The following GMPS variants were observed in gnomAD, a reference collection of about 807,000 sequenced individuals.
GMPS encodes guanosine monophosphate synthase.
Under a neutral mutation model 77.9 loss-of-function variants are expected in GMPS, and 15 were observed. The ratio of observed to expected loss-of-function variants is 0.19; its 90% confidence interval spans 0.13 to 0.30. GMPS has a LOEUF of 0.30. GMPS is among the 10% of genes least tolerant of loss of function. GMPS has a pLI of 1.00. For missense variants in GMPS, 590 were observed against 838.8 expected, an observed-to-expected ratio of 0.70 and a Z score of 3.66; for synonymous variants, 224 against 275.9, an observed-to-expected ratio of 0.81 and a Z score of 1.86.
Position 155,939,629 on chromosome 3 carries a change from G to GT in GMPS, c.*1943dup. 1 of 195,052 alleles carries GT rather than the reference G, an allele frequency of 5.1e-6. No individual in the cohort carries two copies. The highest frequency in any genetic ancestry group is 1.1e-5 in the Non-Finnish European group (1 of 93,776). The allele number at this position is 195,052 out of a possible 1,614,324, so 12.1% of individuals were successfully genotyped here. On this transcript the variant is annotated 3_prime_UTR_variant, in exon 16 of 16. Transcript: ENST00000496455. ...TTAAATTAGTGTTTTCCTGATATTT[G>GT]TTTTTTGAACACCTTTTATATAATC...
At chr3:155,926,625 T>C (rs193272578) in intron 12 of GMPS, among the ~76,000 whole-genome samples, 24 of 152,308 alleles carry the variant, frequency 1.6e-4, no homozygotes, top group Admixed American at 1.4e-3. Flanking sequence ...TCAGAGATTA[T>C]TCTTCTAAAA....
At chr3:155,886,402 C>T (rs997976054) in intron 1 of GMPS, among the ~76,000 whole-genome samples, 4 of 150,746 alleles carry the variant, frequency 2.7e-5, no homozygotes, top group African/African-American at 7.3e-5. Flanking sequence ...AGTGAAACCC[C>T]GTCTCTACTA....
chr3:155,870,824 C>G lies in GMPS; in HGVS notation c.-47C>G. On this transcript the variant is annotated 5_prime_UTR_variant, in exon 1 of 16. Transcript: ENST00000496455. ...CGACCCTTCCGGCACCCTCCCGCCC[C>G]GTCTCGTACTGTCGCCGTCACCGCC... 7.6e-7 allele frequency: 1 copy of G among 1,311,598 alleles called. No individual in the cohort carries two copies. Among genetic ancestry groups the G allele is most frequent in the African/African-American group, 1.5e-5 (1 of 65,510 alleles). The allele number at this position is 1,311,598 out of a possible 1,614,324, so 81.2% of individuals were successfully genotyped here.
chr3:155,921,866 A>G (rs1297769085), intron 10 of GMPS, among the ~76,000 whole-genome samples: 1 of 152,230 alleles, frequency 6.6e-6, no homozygotes, highest in Non-Finnish European at 1.5e-5. Flanking sequence ...AATGGAAACT[A>G]TGATAGTATT....
chr3:155,874,138 A>G (rs1753972756), intron 1 of GMPS, among the ~76,000 whole-genome samples: 1 of 152,106 alleles, frequency 6.6e-6, no homozygotes, highest in Non-Finnish European at 1.5e-5. Context: ...ACTTTTTATT[A>G]TGGCAGGGGT....
chr3:155,923,577 T>C (rs1386150179), intron 11 of GMPS, among the ~76,000 whole-genome samples: 1 of 152,096 alleles, frequency 6.6e-6, no homozygotes, highest in Non-Finnish European at 1.5e-5. Flanking sequence ...ACTGAAACAG[T>C]AAAGGCAAGA....
chr3:155,926,540 A>C (rs1307779473), intron 12 of GMPS, among the ~76,000 whole-genome samples: 1 of 152,160 alleles, frequency 6.6e-6, no homozygotes. Context: ...ACTAACCTGC[A>C]CATTGTGCAC....
At chr3:155,932,825 T>A (rs1755660195) in intron 13 of GMPS, among the ~76,000 whole-genome samples, 1 of 152,200 alleles carries the variant, frequency 6.6e-6, no homozygotes, top group Non-Finnish European at 1.5e-5. Context: ...ATTCAAAGGC[T>A]TACTCAAATG....
At chr3:155,922,113 G>A (rs1186311260) in intron 10 of GMPS, 74 bp from the exon 11 acceptor site, 2 of 619,198 alleles carry the variant, frequency 3.2e-6, no homozygotes, top group East Asian at 3.3e-5. Context: ...TGAAACTAGT[G>A]GCATTTTTAT....
chr3:155,872,426 T>A (rs1753928339), intron 1 of GMPS, among the ~76,000 whole-genome samples: 1 of 152,232 alleles, frequency 6.6e-6, no homozygotes, highest in East Asian at 1.9e-4. Flanking sequence ...AAAGCATTTT[T>A]CTGCCTAGTT....
chr3:155,883,138 C>A (rs1232480567), intron 1 of GMPS, among the ~76,000 whole-genome samples: 1 of 152,066 alleles, frequency 6.6e-6, no homozygotes, highest in Non-Finnish European at 1.5e-5. Flanking sequence ...GTGGCACTAT[C>A]TCAGCTCACT....
chr3:155,896,153 G>A (rs1055565548), intron 2 of GMPS, among the ~76,000 whole-genome samples: 5 of 152,040 alleles, frequency 3.3e-5, no homozygotes, highest in Non-Finnish European at 7.4e-5. Flanking sequence ...GGGACTACAG[G>A]TGCCCACCAC....
chr3:155,924,175 G>A (rs561256866), intron 11 of GMPS, among the ~76,000 whole-genome samples: 5 of 152,298 alleles, frequency 3.3e-5, no homozygotes, highest in South Asian at 4.1e-4. Flanking sequence ...CACTGGGCCC[G>A]GCTGAGAACC....
intron 10 of GMPS, among the ~76,000 whole-genome samples, chr3:155,920,738 G>A (rs569796551): frequency 2.6e-5 from 4 of 152,106 alleles, no homozygotes; most frequent in South Asian, 2.1e-4. Flanking sequence ...GACTTCATTG[G>A]CAAAAATGGT....
At chr3:155,873,652 T>TTTTTTTTTTTTTTTTA (rs1560032835) in intron 1 of GMPS, among the ~76,000 whole-genome samples, 7 of 143,572 alleles carry the variant, frequency 4.9e-5, no homozygotes, top group Admixed American at 7.2e-5. Context: ...TTTTTTTTTT[T>TTTTTTTTTTTTTTTTA]GAGATGGAGT....
In GMPS at chr3:155,943,638, T is replaced by G. The variant is rs1755947353; in HGVS notation, c.*5946T>G. The G allele has an allele frequency of 5.6e-6, 1 of 177,354 alleles. No individual in the cohort carries two copies. Among genetic ancestry groups the G allele is most frequent in the South Asian group, 2.0e-4 (1 of 5,034 alleles). 11.0% of individuals were successfully genotyped at this position (177,354 alleles called of 1,614,324 possible). A position where few individuals can be genotyped will look rare whatever the true frequency, so the allele number is the denominator to read the frequency against. On this transcript the variant is annotated 3_prime_UTR_variant, in exon 16 of 16. Coordinates refer to ENST00000496455, the MANE Select transcript of GMPS (RefSeq NM_003875.3). ...TGTAAACTGCAATGTCTATTTTGTG[T>G]TGTAACAATGTTGCCATAAAATAGC...
intron 4 of GMPS, 110 bp from the exon 5 acceptor site, chr3:155,906,050 T>C (rs1754873214): frequency 1.8e-6 from 1 of 558,780 alleles, no homozygotes; most frequent in Admixed American, 3.3e-5. Flanking sequence ...CACTTTTTTT[T>C]TTTCTGTTTT....
Position 155,938,124 on chromosome 3 carries a change from T to C in GMPS, c.*432T>C, listed in dbSNP as rs1373641106. ...TATACTTTTTGGAGAATCAGTTTTCTTATAAGTAATCTTATTTCTCCAAAG... is the reference window on the plus strand; with the variant it reads ...TATACTTTTTGGAGAATCAGTTTTCCTATAAGTAATCTTATTTCTCCAAAG... On this transcript the variant is annotated 3_prime_UTR_variant, in exon 16 of 16. Transcript: ENST00000496455. 1 of 227,290 alleles carries C rather than the reference T, an allele frequency of 4.4e-6. No individual in the cohort carries two copies. Among genetic ancestry groups the C allele is most frequent in the African/African-American group, 2.2e-5 (1 of 45,074 alleles). 14.1% of individuals were successfully genotyped at this position (227,290 alleles called of 1,614,324 possible). A position where few individuals can be genotyped will look rare whatever the true frequency, so the allele number is the denominator to read the frequency against.
intron 8 of GMPS, 25 bp from the exon 9 acceptor site, chr3:155,915,994 G>C (rs1417365162): frequency 6.4e-7 from 1 of 1,564,194 alleles, no homozygotes; most frequent in East Asian, 2.2e-5. Flanking sequence ...CTCTTACAAG[G>C]CTGTTTTACT....
Sources: gnomAD v4.1 joint callset for allele counts (sites outside exome capture counted in the v4.1 genomes callset) on GRCh38, gnomAD v4.1.1 for gene constraint, MANE v1.5 for transcripts, NCBI Gene and HGNC (gene_info 2026-07-23, HGNC 2026-07-21) for gene names.